Variants in TRIP13 observed in about 807,000 individuals in gnomAD.
The protein encoded by TRIP13 is thyroid hormone receptor interactor 13.
A neutral mutation model predicts 54.4 loss-of-function variants in TRIP13; 25 were observed. The ratio of observed to expected loss-of-function variants is 0.46; its 90% CI spans 0.33 to 0.64. The LOEUF is 0.64. Among genes scored for constraint, TRIP13 ranks in the 30% least tolerant of loss-of-function variants. The pLI, the probability that TRIP13 is intolerant of heterozygous loss-of-function variation, is 0.02. For synonymous variants in TRIP13, 207 were observed against 207.8 expected, an observed-to-expected ratio of 1.00 and a Z score of 0.03; for missense variants, 373 against 534.2, an observed-to-expected ratio of 0.70 and a Z score of 2.97.
downstream of TRIP13, among the ~76,000 whole-genome samples, chr5:918,796 G>A (rs1754380550): frequency 6.6e-6 from 1 of 152,148 alleles, no homozygotes. This position sits in a 1 kb window ranked among gnomAD's most constrained non-coding sequence, Gnocchi z 4.3. Flanking sequence ...TAGGCTGGGA[G>A]GTTAGGCCCG....
rs535336164 is a variant in TRIP13, at chr5:913,160, G to T, written c.1020+1164G>T. ...ATTCTACAGCAGTTTTGCTGCCAAG[G>T]AGCCCCACGTGATAGCAGATCCTGC... On this transcript the variant is annotated intron_variant, in intron 10 of 12. Coordinates refer to ENST00000166345, the MANE Select transcript of TRIP13 (RefSeq NM_004237.4). This position sits in a 1 kb window ranked among gnomAD's most constrained non-coding sequence, Gnocchi z 4.5. Among the ~76,000 whole-genome samples the T allele has an allele frequency of 6.6e-6, 1 of 152,308 alleles. No homozygotes were observed. The highest frequency in any genetic ancestry group is 1.9e-4 in the East Asian group (1 of 5,184).
Position 908,379 on chromosome 5 carries a change from A to G in TRIP13, c.784A>G (p.Asn262Asp), listed in dbSNP as rs1318581090. The change falls in exon 9 of 13, where the codon AAT (asparagine) becomes GAT (aspartate). Residue 262 changes from asparagine to aspartate, a missense_variant. By Grantham distance (23) the Asn-to-Asp change is conservative. Coordinates refer to ENST00000166345, the MANE Select transcript of TRIP13 (RefSeq NM_004237.4). This position sits in a 1 kb window ranked among gnomAD's most constrained non-coding sequence, Gnocchi z 5.2. ...GGTGGAGAGTCTCACAGCCGCCCGA[A>G]ATGCCTGCAGGGCGGGCACCGAGCC... ...DEVESLTAAR[N>D]ACRAGTEPSD... The G allele has an allele frequency of 1.2e-6, 2 of 1,612,786 alleles. No individual in the cohort carries two copies. The highest frequency in any genetic ancestry group is 4.5e-5 in the East Asian group (2 of 44,888).
intron 6 of TRIP13, among the ~76,000 whole-genome samples, chr5:904,578 T>C (rs900709796): frequency 6.6e-6 from 1 of 152,224 alleles, no homozygotes; most frequent in Non-Finnish European, 1.5e-5. Context: ...GGTCATTGTT[T>C]CCTCACTGAA....
rs749017084 is a variant in TRIP13 at position 915,973 on chromosome 5, G to C, written c.1203G>C (p.Gln401His). ...TTCTGGCTCATGCGCTGTATGTCCAGGTGAGTCTCCACTGCTGTCCTCCAG... is the reference window on the plus strand; with the variant it reads ...TTCTGGCTCATGCGCTGTATGTCCACGTGAGTCTCCACTGCTGTCCTCCAG... ...LPFLAHALYV[Q>H]APTVTIEGFL... Residue 401 changes from glutamine to histidine, a missense_variant and splice_region_variant, in exon 12 of 13, where the codon CAG becomes CAC. Transcript: ENST00000166345. The surrounding 1 kb of genome is among the most constrained non-coding windows in gnomAD (Gnocchi z 4.2). 6.1e-5 allele frequency: 99 copies of C among 1,613,946 alleles called. No homozygotes were observed.
chr5:894,648 TCCC>T (rs1420631108), intron 1 of TRIP13, 136 bp from the exon 2 acceptor site: 1 of 968,048 alleles, frequency 1.0e-6, no homozygotes, highest in East Asian at 2.8e-5. Context: ...CTAGATTTGG[TCCC>T]AGGCAGGCCA....
rs553278187 is a variant in TRIP13, at chr5:911,657, A to G, written c.867-186A>G. Among the ~76,000 whole-genome samples, 1 of 151,980 alleles carries G rather than the reference A, an allele frequency of 6.6e-6. No individual in the cohort carries two copies. The highest frequency in any genetic ancestry group is 2.1e-4 in the South Asian group (1 of 4,796). ...GAAGTGGGGCTGTAGAATTCCCAGA[A>G]GGCCAAGGAGCAGCGAGAGCAAAGG... On this transcript the variant is annotated intron_variant, in intron 9 of 12. Coordinates refer to ENST00000166345, the MANE Select transcript of TRIP13 (RefSeq NM_004237.4). This position sits in a 1 kb window ranked among gnomAD's most constrained non-coding sequence, Gnocchi z 4.7.
At chr5:910,495 C>T (rs984098154) in intron 9 of TRIP13, among the ~76,000 whole-genome samples, 8 of 151,958 alleles carry the variant, frequency 5.3e-5, no homozygotes, top group Non-Finnish European at 1.2e-4. Context: ...GCTCACTGGG[C>T]CCCAAATCCC....
intron 3 of TRIP13, among the ~76,000 whole-genome samples, chr5:900,013 G>A (rs930377232): frequency 6.6e-6 from 1 of 152,226 alleles, no homozygotes; most frequent in African/African-American, 2.4e-5. Flanking sequence ...GGTGGATTTG[G>A]CATCTGGACT....
intron 3 of TRIP13, 112 bp downstream of exon 3, chr5:896,906 T>G: frequency 7.9e-7 from 1 of 1,270,822 alleles, no homozygotes; most frequent in Non-Finnish European, 1.1e-6. Flanking sequence ...TGTAGGATTT[T>G]AGGATGTTTT....
Position 907,607 on chromosome 5 carries a change from T to C in TRIP13, c.673-381T>C, listed in dbSNP as rs1277505211. Among the ~76,000 whole-genome samples, 1 of 152,194 alleles carries C rather than the reference T, an allele frequency of 6.6e-6. No individual in the cohort carries two copies. Among genetic ancestry groups the C allele is most frequent in the Non-Finnish European group, 1.5e-5 (1 of 68,026 alleles). ...CGCACATCCCTCTGGTGAGGTGAGG[T>C]GGGACCAGGCACGCTGGGCACAGGA... On this transcript the variant is annotated intron_variant, in intron 7 of 12. Coordinates refer to ENST00000166345, the MANE Select transcript of TRIP13 (RefSeq NM_004237.4). This position sits in a 1 kb window ranked among gnomAD's most constrained non-coding sequence, Gnocchi z 4.1.
intron 3 of TRIP13, 116 bp downstream of exon 3, chr5:896,910 A>T: frequency 8.1e-7 from 1 of 1,232,972 alleles, no homozygotes; most frequent in Non-Finnish European, 1.1e-6. Context: ...GGATTTTAGG[A>T]TGTTTTCTCT....
intron 5 of TRIP13, among the ~76,000 whole-genome samples, chr5:902,514 A>G (rs1180915207): frequency 6.6e-6 from 1 of 152,176 alleles, no homozygotes; most frequent in Non-Finnish European, 1.5e-5. Context: ...TTAGAGTTGT[A>G]TGTCTCCATT....
In TRIP13 at chr5:910,639, G is replaced by A. The variant is rs183366391; in HGVS notation, c.867-1204G>A. On this transcript the variant is annotated intron_variant, in intron 9 of 12. Transcript: ENST00000166345. ...GGCTCAGGAAGAAACAAGGAGACAC[G>A]CTTGCCTCTCTTGCCTTCATTCCCT... Among the ~76,000 whole-genome samples the A allele has an allele frequency of 4.9e-4, 75 of 152,258 alleles. 1 individual carries two copies. The highest frequency in any genetic ancestry group is 1.4e-3 in the African/African-American group (59 of 41,538).
chr5:896,698 C>T lies in TRIP13; in HGVS notation c.292C>T (p.His98Tyr). The change falls in exon 3 of 13, where the codon CAC becomes TAC. Residue 98 changes from histidine (H) to tyrosine (Y), a missense_variant. This residue lies in a region of TRIP13 where 151 missense variants were observed against 151.9 expected (regional missense o/e 0.99). Coordinates refer to ENST00000166345, the MANE Select transcript of TRIP13 (RefSeq NM_004237.4). ...IDLSACTVAL[H>Y]IFQLNEDGPS... ...TTTGAGTGCATGCACTGTTGCACTT[C>T]ACATTTTCCAGCTGAATGAAGATGG... The T allele has an allele frequency of 6.2e-7, 1 of 1,613,868 alleles. No individual in the cohort carries two copies. Among genetic ancestry groups the T allele is most frequent in the Non-Finnish European group, 8.5e-7 (1 of 1,179,850 alleles).
chr5:894,724 T>C lies in TRIP13; in HGVS notation c.93-63T>C, dbSNP rs574107917. ...GTATTGTCTGAGTTTTTCAAAACACTTCATTTTAACATTTTGTTTTTGAAC... is the reference window on the plus strand; with the variant it reads ...GTATTGTCTGAGTTTTTCAAAACACCTCATTTTAACATTTTGTTTTTGAAC... On this transcript the variant is annotated intron_variant, in intron 1 of 12. Coordinates refer to ENST00000166345, the MANE Select transcript of TRIP13 (RefSeq NM_004237.4). 4.8e-5 allele frequency: 74 copies of C among 1,531,816 alleles called. 1 individual carries two copies. The South Asian group carries it at 9.1e-4, about 19-fold the overall frequency. The allele number at this position is 1,531,816 out of a possible 1,614,324, so 94.9% of individuals were successfully genotyped here.
At chr5:904,861 T>A (rs572206748) in intron 6 of TRIP13, among the ~76,000 whole-genome samples, 1 of 152,372 alleles carries the variant, frequency 6.6e-6, no homozygotes, top group Admixed American at 6.5e-5. Context: ...TTTTTCATTA[T>A]GTTCTCGTTC....
At chr5:893,307 A>C (rs1038390175) in intron 1 of TRIP13, among the ~76,000 whole-genome samples, 2 of 151,796 alleles carry the variant, frequency 1.3e-5, no homozygotes, top group African/African-American at 4.8e-5. Flanking sequence ...GGCCGACCCG[A>C]GCCCTGCGCG....
intron 2 of TRIP13, among the ~76,000 whole-genome samples, chr5:896,261 C>A (rs1357458895): frequency 6.6e-6 from 1 of 152,166 alleles, no homozygotes; most frequent in Non-Finnish European, 1.5e-5. Flanking sequence ...TTGCTGTGAG[C>A]TGTGATCGTG....
chr5:914,194 C>G (rs72703193), intron 10 of TRIP13, among the ~76,000 whole-genome samples: 17 of 152,004 alleles, frequency 1.1e-4, no homozygotes, highest in African/African-American at 4.1e-4. Context: ...AGTTTTGGCT[C>G]GAAACACAGA....
Sources: gnomAD v4.1 joint callset for allele counts (sites outside exome capture counted in the v4.1 genomes callset) on GRCh38, gnomAD v4.1.1 for gene constraint, gnomAD v4.1.1 regional missense constraint, Gnocchi (gnomAD v3.1) non-coding constraint, MANE v1.5 for transcripts, NCBI Gene and HGNC (gene_info 2026-07-23, HGNC 2026-07-21) for gene names.